RFTN1: variants seen among roughly 807,000 people sequenced by gnomAD.
RFTN1 encodes the protein raftlin, lipid raft linker 1.
A neutral mutation model predicts 46.5 loss-of-function variants in RFTN1; 26 were observed. The ratio of observed to expected loss-of-function variants is 0.56; its 90% confidence interval spans 0.41 to 0.78. The LOEUF (loss-of-function observed/expected upper bound fraction) is 0.78, where lower values mean the gene tolerates loss of function less well. RFTN1 is among the 30% of genes least tolerant of loss of function. The pLI is 0.00. For missense variants in RFTN1, 693 were observed against 718.7 expected, an observed-to-expected ratio of 0.96 and a Z score of 0.41; for synonymous variants, 261 against 284.2, an observed-to-expected ratio of 0.92 and a Z score of 0.82.
rs544686700 is a variant in RFTN1 at position 16,465,697 on chromosome 3, A to C, written c.145+28028T>G. 6.6e-6 allele frequency among the ~76,000 whole-genome samples: 1 copy of C among 152,142 alleles called. No individual in the cohort carries two copies. The highest frequency in any genetic ancestry group is 2.4e-5 in the African/African-American group (1 of 41,436). ...GATCACCAAAATTATCACACCCACC[A>C]AAAAGACCTGCTGGGGACAGCTAAT... On this transcript the variant is annotated intron_variant, in intron 2 of 9. Coordinates refer to ENST00000334133, the MANE Select transcript of RFTN1 (RefSeq NM_015150.2). The surrounding 1 kb of genome is among the most constrained non-coding windows in gnomAD (Gnocchi z 5.1).
intron 2 of RFTN1, among the ~76,000 whole-genome samples, chr3:16,461,983 G>A (rs2076014909): frequency 6.6e-6 from 1 of 152,184 alleles, no homozygotes; most frequent in Admixed American, 6.5e-5. Flanking sequence ...TTAGAGCTAG[G>A]AAGTACCATC....
At chr3:16,358,159 A>T in intron 6 of RFTN1, 112 bp from the exon 7 acceptor site, 1 of 663,392 alleles carries the variant, frequency 1.5e-6, no homozygotes, top group Non-Finnish European at 2.7e-6. Context: ...CAATCAGAAC[A>T]TCTTTTCAGC....
rs2068398149 is a variant in RFTN1, at chr3:16,316,415, C to G, written c.*413G>C. ...AGTAGCTGCAGGGGATGGACACTGC[C>G]CCACACGATGTGGGATGAACAGCAG... is the stretch of plus-strand genomic sequence containing the variant. On this transcript the variant is annotated 3_prime_UTR_variant, in exon 10 of 10. Transcript: ENST00000334133. This position sits in a 1 kb window ranked among gnomAD's most constrained non-coding sequence, Gnocchi z 4.5. The G allele has an allele frequency of 4.1e-6, 1 of 245,946 alleles. No individual in the cohort carries two copies. The highest frequency in any genetic ancestry group is 4.7e-5 in the South Asian group (1 of 21,314). The allele number at this position is 245,946 out of a possible 1,614,324, so 15.2% of individuals were successfully genotyped here. A position where few individuals can be genotyped will look rare whatever the true frequency, so the allele number is the denominator to read the frequency against.
rs1170167681 is a variant in RFTN1 at position 16,489,741 on chromosome 3, C to G, written c.145+3984G>C. On this transcript the variant is annotated intron_variant, in intron 2 of 9. Coordinates refer to ENST00000334133, the MANE Select transcript of RFTN1 (RefSeq NM_015150.2). This position sits in a 1 kb window ranked among gnomAD's most constrained non-coding sequence, Gnocchi z 4.0. ...TGGCCAACATTGTGAAACCCCATCTCTACTAAAAATACCAAAATTAGCCGT... is the reference window on the plus strand; with the variant it reads ...TGGCCAACATTGTGAAACCCCATCTGTACTAAAAATACCAAAATTAGCCGT... 6.6e-6 allele frequency among the ~76,000 whole-genome samples: 1 copy of G among 152,050 alleles called. No individual in the cohort carries two copies. The highest frequency in any genetic ancestry group is 2.4e-5 in the African/African-American group (1 of 41,390).
intron 2 of RFTN1, among the ~76,000 whole-genome samples, chr3:16,490,875 C>T (rs540717598): frequency 6.6e-6 from 1 of 152,258 alleles, no homozygotes; most frequent in African/African-American, 2.4e-5. Flanking sequence ...AATGTTAAGT[C>T]GCATAAAAGC....
intron 4 of RFTN1, 49 bp downstream of exon 4, chr3:16,409,324 CAG>C (rs763468945): frequency 4.7e-5 from 59 of 1,255,258 alleles, no homozygotes; most frequent in Non-Finnish European, 6.5e-5. Context: ...CCTGTTCACT[CAG>C]GGGAACACTC....
intron 5 of RFTN1, among the ~76,000 whole-genome samples, chr3:16,373,864 T>C (rs2073629322): frequency 1.3e-5 from 2 of 152,084 alleles, no homozygotes; most frequent in South Asian, 4.1e-4. Flanking sequence ...GTGGGCACCA[T>C]GGTGGCGAGG....
At chr3:16,394,062 T>A (rs1386198995) in intron 4 of RFTN1, among the ~76,000 whole-genome samples, 1 of 152,144 alleles carries the variant, frequency 6.6e-6, no homozygotes, top group Non-Finnish European at 1.5e-5. Context: ...TTCTTAAAGA[T>A]GGCTTTTAAA....
At chr3:16,455,939 T>G (rs1236373010) in intron 2 of RFTN1, among the ~76,000 whole-genome samples, 1 of 152,136 alleles carries the variant, frequency 6.6e-6, no homozygotes, top group African/African-American at 2.4e-5. Flanking sequence ...AACTAATCAA[T>G]TAGTTTCACA....
rs1283397932 is a variant in RFTN1 at position 16,427,787 on chromosome 3, G to A, written c.332+6064C>T. Among the ~76,000 whole-genome samples, 1 of 152,122 alleles carries A rather than the reference G, an allele frequency of 6.6e-6. No individual in the cohort carries two copies. The highest frequency in any genetic ancestry group is 1.5e-5 in the Non-Finnish European group (1 of 68,030). ...AGCCTCCTCCAGGCTTCTCATGCCT[G>A]CCCTCCCACTGTTTCTCTTTGGACA... On this transcript the variant is annotated intron_variant, in intron 3 of 9. Transcript: ENST00000334133. This position sits in a 1 kb window ranked among gnomAD's most constrained non-coding sequence, Gnocchi z 5.4.
chr3:16,369,581 G>T (rs572038106), intron 6 of RFTN1, among the ~76,000 whole-genome samples: 2 of 152,160 alleles, frequency 1.3e-5, no homozygotes, highest in Non-Finnish European at 2.9e-5. Context: ...TACTGGGGAG[G>T]GGGTACTGGG....
intron 2 of RFTN1, among the ~76,000 whole-genome samples, chr3:16,477,037 G>A (rs2076293336): frequency 6.6e-6 from 1 of 152,156 alleles, no homozygotes; most frequent in African/African-American, 2.4e-5. Flanking sequence ...CCATAAAGCA[G>A]GGGCTGAAAC....
intron 4 of RFTN1, among the ~76,000 whole-genome samples, chr3:16,399,500 T>C (rs1221127270): frequency 6.6e-6 from 1 of 152,176 alleles, no homozygotes; most frequent in Non-Finnish European, 1.5e-5. Flanking sequence ...AACTCCTCCA[T>C]CGCTGAAATG....
At chr3:16,444,380 T>C (rs111570957) in intron 2 of RFTN1, among the ~76,000 whole-genome samples, 87 of 152,362 alleles carry the variant, frequency 5.7e-4, no homozygotes, top group African/African-American at 2.0e-3. Context: ...TATAAAATCT[T>C]AAGACTTAAT....
chr3:16,378,142 A>G, intron 4 of RFTN1, 40 bp from the exon 5 acceptor site: 1 of 1,562,842 alleles, frequency 6.4e-7, no homozygotes, highest in Non-Finnish European at 8.8e-7. Context: ...AGTGAATGAA[A>G]TGGTCTATCA....
intron 3 of RFTN1, among the ~76,000 whole-genome samples, chr3:16,415,428 T>TACACACACACACACACACACACACACAC (rs1198664714): frequency 3.3e-5 from 3 of 89,884 alleles, no homozygotes; most frequent in Admixed American, 1.3e-4. Context: ...TATATATATA[T>TACACACACACACACACACACACACACAC]ATACACACAC....
At position 16,425,432 on chromosome 3, in the gene RFTN1, G is replaced by A. The variant is rs564897266; in HGVS notation, c.332+8419C>T. On this transcript the variant is annotated intron_variant, in intron 3 of 9. Transcript: ENST00000334133. The surrounding 1 kb of genome is among the most constrained non-coding windows in gnomAD (Gnocchi z 4.3). ...TTCAAAATAGTTCTGGGGAGAGGGT[G>A]GAAATCACTAGTGTGCTAATTCTCT... Among the ~76,000 whole-genome samples, 2 of 152,186 alleles carry A rather than the reference G, an allele frequency of 1.3e-5. No homozygotes were observed. Among genetic ancestry groups the A allele is most frequent in the East Asian group, 3.9e-4 (2 of 5,186 alleles).
Position 16,400,170 on chromosome 3 carries a change from C to T in RFTN1, c.441+9205G>A, listed in dbSNP as rs1430764091. Among the ~76,000 whole-genome samples, 1 of 152,198 alleles carries T rather than the reference C, an allele frequency of 6.6e-6. No homozygotes were observed. Among genetic ancestry groups the T allele is most frequent in the East Asian group, 1.9e-4 (1 of 5,192 alleles). ...CCTGCAGGGCTGTATGGGGACCCGA[C>T]TCACTCTCCAGCCTCACTCCACCTC... On this transcript the variant is annotated intron_variant, in intron 4 of 9. Transcript: ENST00000334133. The surrounding 1 kb of genome is among the most constrained non-coding windows in gnomAD (Gnocchi z 4.5).
At chr3:16,364,908 G>A (rs1240616336) in intron 6 of RFTN1, among the ~76,000 whole-genome samples, 1 of 152,188 alleles carries the variant, frequency 6.6e-6, no homozygotes, top group African/African-American at 2.4e-5. Flanking sequence ...GGGCTTCTAG[G>A]GGCTTGTTAA....
Sources: allele counts gnomAD v4.1 joint callset (sites outside exome capture counted in the v4.1 genomes callset), GRCh38; gene constraint gnomAD v4.1.1; non-coding constraint Gnocchi (gnomAD v3.1); transcripts MANE v1.5; gene names NCBI Gene and HGNC (gene_info 2026-07-23, HGNC 2026-07-21).